HIF1A: variants seen among roughly 807,000 people sequenced by gnomAD.
HIF1A encodes the protein hypoxia-inducible factor 1-alpha.
A neutral mutation model predicts 92.7 loss-of-function variants in HIF1A; 24 were observed. The ratio of observed to expected loss-of-function variants is 0.26; its 90% CI spans 0.19 to 0.36. The LOEUF (loss-of-function observed/expected upper bound fraction) is 0.36, where lower values mean the gene tolerates loss of function less well. Ranked by LOEUF, HIF1A falls within the 10% of genes least tolerant of loss-of-function variation. The pLI is 1.00. For missense variants in HIF1A, 799 were observed against 998.5 expected, an observed-to-expected ratio of 0.80 and a Z score of 2.69; for synonymous variants, 319 against 338.7, an observed-to-expected ratio of 0.94 and a Z score of 0.64.
In HIF1A at chr14:61,740,940, C is replaced by T. The variant is rs767655453; in HGVS notation, c.1845C>T (p.Thr615=). Residue 615 remains threonine (T), a synonymous_variant, in exon 12 of 15, where the codon ACC becomes ACT. Transcript: ENST00000337138. The stretch of plus-strand genomic sequence containing the variant: ...TACAAGAACCTACTGCTAATGCCAC[C>T]ACTACCACTGCCACCACTGATGAAT... ...TQIQEPTANA[T]TTTATTDELK... is the part of the protein sequence containing the mutation. 6 of 1,613,980 alleles carry T rather than the reference C, an allele frequency of 3.7e-6. No individual in the cohort carries two copies. The African/African-American group carries it at 5.3e-5, about 14-fold the overall frequency.
intron 1 of HIF1A, among the ~76,000 whole-genome samples, chr14:61,696,201 C>T (rs2044113670): frequency 6.6e-6 from 1 of 152,270 alleles, no homozygotes; most frequent in Non-Finnish European, 1.5e-5. Context: ...CTGAAAACCC[C>T]GGGAAGAGAA....
chr14:61,729,353 T>C (rs2044545838), intron 6 of HIF1A, among the ~76,000 whole-genome samples: 1 of 151,816 alleles, frequency 6.6e-6, no homozygotes, highest in South Asian at 2.1e-4. Flanking sequence ...TCCCAGCTAC[T>C]TGGGAGGCTG....
chr14:61,699,803 G>T lies in HIF1A; in HGVS notation c.35+3964G>T, dbSNP rs553139957. On this transcript the variant is annotated intron_variant, in intron 1 of 14. Transcript: ENST00000337138. ...GCTTAACTCTGGAAGGTTAGAAAGA[G>T]AATTTGAAACTAAGACAAGCCAAGC... 2.6e-5 allele frequency among the ~76,000 whole-genome samples: 4 copies of T among 152,258 alleles called. No homozygotes were observed. The South Asian group carries it at 6.2e-4, about 24-fold the overall frequency.
At chr14:61,696,476 T>C (rs2044117930) in intron 1 of HIF1A, among the ~76,000 whole-genome samples, 1 of 152,226 alleles carries the variant, frequency 6.6e-6, no homozygotes, top group Non-Finnish European at 1.5e-5. Flanking sequence ...ATGCGAACTT[T>C]TTAGTTTGCA....
chr14:61,743,231 C>T lies in HIF1A; in HGVS notation c.2094-1474C>T, dbSNP rs138297543. 8.9e-3 allele frequency among the ~76,000 whole-genome samples: 1,359 copies of T among 152,106 alleles called. 16 individuals carry two copies. Among genetic ancestry groups the T allele is most frequent in the African/African-American group, 0.03 (1,258 of 41,494 alleles). ...GGATTACAGGCATGCACCACCACAC[C>T]CAGCTAATTTTGTATTTTTAGTAGA... On this transcript the variant is annotated intron_variant, in intron 12 of 14. Coordinates refer to ENST00000337138, the MANE Select transcript of HIF1A (RefSeq NM_001530.4).
At position 61,744,689 on chromosome 14, in the gene HIF1A, A is replaced by AT; in HGVS notation, c.2094-9dup. On this transcript the variant is annotated splice_polypyrimidine_tract_variant and intron_variant, in intron 12 of 14. Coordinates refer to ENST00000337138, the MANE Select transcript of HIF1A (RefSeq NM_001530.4). ...TAAAAACGCTATATTTTCATTTAGA[A>AT]TTTTTTTCTTTTCAGAACTACAGTT... 2 of 1,139,864 alleles carry AT rather than the reference A, an allele frequency of 1.8e-6. No individual in the cohort carries two copies. Among genetic ancestry groups the AT allele is most frequent in the Non-Finnish European group, 2.6e-6 (2 of 776,786 alleles). The allele number at this position is 1,139,864 out of a possible 1,614,324, so 70.6% of individuals were successfully genotyped here. A position where few individuals can be genotyped will look rare whatever the true frequency, so the allele number is the denominator to read the frequency against.
At chr14:61,698,816 A>G (rs962105557) in intron 1 of HIF1A, 3 of 152,048 alleles carry the variant, frequency 2.0e-5, no homozygotes, top group African/African-American at 7.2e-5. Context: ...ACAATTGCTC[A>G]CCCCTGTGTT....
At chr14:61,726,667 A>C in intron 4 of HIF1A, 39 bp from the exon 5 acceptor site, 1 of 1,283,882 alleles carries the variant, frequency 7.8e-7, no homozygotes, top group East Asian at 2.4e-5. Flanking sequence ...AAATTTGTAT[A>C]TTTAGTTGCT....
Position 61,748,168 on chromosome 14 carries a change from C to T in HIF1A, c.*1083C>T, listed in dbSNP as rs2044817529. 6.6e-6 allele frequency: 1 copy of T among 152,420 alleles called. No individual in the cohort carries two copies. The highest frequency in any genetic ancestry group is 1.5e-5 in the Non-Finnish European group (1 of 67,928). The allele number at this position is 152,420 out of a possible 1,614,324, so 9.4% of individuals were successfully genotyped here. ...TCTTGTTTTTTCTATGTACATTGTA[C>T]AAATTTTTCATTCCTTTTGCTCTTT... On this transcript the variant is annotated 3_prime_UTR_variant, in exon 15 of 15. Coordinates refer to ENST00000337138, the MANE Select transcript of HIF1A (RefSeq NM_001530.4).
At chr14:61,719,206 C>T (rs1437441768) in intron 1 of HIF1A, among the ~76,000 whole-genome samples, 1 of 152,152 alleles carries the variant, frequency 6.6e-6, no homozygotes, top group African/African-American at 2.4e-5. Context: ...ATTTAGCATA[C>T]TGCCCAATGC....
chr14:61,740,761 G>A lies in HIF1A; in HGVS notation c.1666G>A (p.Asp556Asn). 1 of 1,610,764 alleles carries A rather than the reference G, an allele frequency of 6.2e-7. No homozygotes were observed. Among genetic ancestry groups the A allele is most frequent in the Middle Eastern group, 1.7e-4 (1 of 6,040 alleles). The change falls in exon 12 of 15, where the codon GAT becomes AAT. Residue 556 changes from aspartate (D) to asparagine (N), a missense_variant. Physicochemically the swap from Asp to Asn is conservative, Grantham distance 23. Around this residue, in one of 2 missense-constraint regions of HIF1A, gnomAD observed 516 missense variants for 721.0 expected, o/e 0.72. Coordinates refer to ENST00000337138, the MANE Select transcript of HIF1A (RefSeq NM_001530.4). ...AKNPFSTQDT[D>N]LDLEMLAPYI... ...TGTATTTGCTGTTTTAAAGGACACA[G>A]ATTTAGACTTGGAGATGTTAGCTCC...
chr14:61,711,207 CTTTTTTT>C (rs10615564), intron 1 of HIF1A, among the ~76,000 whole-genome samples: 3 of 86,124 alleles, frequency 3.5e-5, no homozygotes, highest in African/African-American at 1.3e-4. Context: ...TTAAGTATTC[CTTTTTTT>C]TTTTTTTTTT....
At chr14:61,736,630 C>T (rs1236288950) in intron 8 of HIF1A, among the ~76,000 whole-genome samples, 1 of 152,212 alleles carries the variant, frequency 6.6e-6, no homozygotes, top group Non-Finnish European at 1.5e-5. Flanking sequence ...TCTCTGGATG[C>T]ATCCATGTTG....
At chr14:61,744,866 T>C in intron 13 of HIF1A, 53 bp downstream of exon 13, 1 of 233,034 alleles carries the variant, frequency 4.3e-6, no homozygotes, top group Non-Finnish European at 7.7e-6. Context: ...ATTTCGTGTG[T>C]GTGTGTGTGT....
At chr14:61,737,452 T>TA (rs1282979096) in intron 9 of HIF1A, among the ~76,000 whole-genome samples, 7 of 152,156 alleles carry the variant, frequency 4.6e-5, no homozygotes, top group African/African-American at 1.7e-4. Flanking sequence ...CATTAAAGGA[T>TA]AAAAAAGTAG....
At chr14:61,711,783 C>T (rs1462466746) in intron 1 of HIF1A, among the ~76,000 whole-genome samples, 1 of 152,138 alleles carries the variant, frequency 6.6e-6, no homozygotes, top group Non-Finnish European at 1.5e-5. Flanking sequence ...CTTTTCTGTG[C>T]CAGGAACTTG....
intron 1 of HIF1A, among the ~76,000 whole-genome samples, chr14:61,699,187 T>C (rs1321797679): frequency 6.6e-6 from 1 of 152,194 alleles, no homozygotes; most frequent in African/African-American, 2.4e-5. Context: ...CTATGCACTC[T>C]TCCACACGTG....
At chr14:61,720,824 CTCAAT>C (rs1379504104) in intron 2 of HIF1A, among the ~76,000 whole-genome samples, 29 of 152,082 alleles carry the variant, frequency 1.9e-4, no homozygotes. Flanking sequence ...TAAACATACT[CTCAAT>C]TCTTTTCTAA....
Position 61,720,517 on chromosome 14 carries a change from C to A in HIF1A, c.171C>A (p.Ala57=). ...ATGTGAGTTCGCATCTTGATAAGGCCTCTGTGATGAGGCTTACCATCAGCT... is the reference window on the plus strand; with the variant it reads ...ATGTGAGTTCGCATCTTGATAAGGCATCTGTGATGAGGCTTACCATCAGCT... ...PHNVSSHLDK[A]SVMRLTISYL... is the part of the protein sequence containing the mutation. Residue 57 remains alanine, a synonymous_variant, in exon 2 of 15, where the codon GCC becomes GCA. Transcript: ENST00000337138. 1 of 1,613,018 alleles carries A rather than the reference C, an allele frequency of 6.2e-7. No individual in the cohort carries two copies. The highest frequency in any genetic ancestry group is 8.5e-7 in the Non-Finnish European group (1 of 1,179,580).
Sources: gnomAD v4.1 joint callset for allele counts (sites outside exome capture counted in the v4.1 genomes callset) on GRCh38, gnomAD v4.1.1 for gene constraint, gnomAD v4.1.1 regional missense constraint, MANE v1.5 for transcripts, NCBI Gene and HGNC (gene_info 2026-07-23, HGNC 2026-07-21) for gene names.